The following PDE1C variants were observed in gnomAD, a reference collection of about 807,000 sequenced individuals.
PDE1C encodes the protein dual specificity calcium/calmodulin-dependent 3',5'-cyclic nucleotide phosphodiesterase 1C.
In PDE1C, 62 loss-of-function variants were observed where a neutral mutation model predicts 93.1. The ratio of observed to expected loss-of-function variants is 0.67; its 90% CI spans 0.54 to 0.82. PDE1C has a LOEUF of 0.82. PDE1C is among the 40% of genes least tolerant of loss of function. The pLI, the probability that PDE1C is intolerant of heterozygous loss-of-function variation, is 0.00. For synonymous variants in PDE1C, 325 were observed against 310.1 expected (o/e 1.05, Z -0.50); for missense variants, 742 against 884.6 (o/e 0.84, Z 2.04).
intron 1 of PDE1C, among the ~76,000 whole-genome samples, chr7:32,385,226 C>T (rs1012211673): frequency 6.6e-6 from 1 of 152,168 alleles, no homozygotes; most frequent in Non-Finnish European, 1.5e-5. Context: ...ATTTTTGAGG[C>T]TCCTCTGAAA....
At chr7:31,749,903 A>AC (rs1554318283), downstream of PDE1C, among the ~76,000 whole-genome samples, 1 of 151,576 alleles carries the variant, frequency 6.6e-6, no homozygotes, top group African/African-American at 2.4e-5. Flanking sequence ...ACACCCAGCT[A>AC]TTTTTTGTAT....
intron 2 of PDE1C, among the ~76,000 whole-genome samples, chr7:31,907,333 G>C (rs1341679037): frequency 1.3e-5 from 2 of 151,964 alleles, no homozygotes; most frequent in East Asian, 3.9e-4. Context: ...AGTCTATACA[G>C]AGATTATCAC....
intron 1 of PDE1C, among the ~76,000 whole-genome samples, chr7:32,425,602 T>A (rs1412251380): frequency 6.6e-6 from 1 of 152,200 alleles, no homozygotes; most frequent in East Asian, 1.9e-4. Flanking sequence ...AGAAATTGGT[T>A]TTCTGGCATT....
the PDE1C span, among the ~76,000 whole-genome samples, chr7:31,663,115 C>T: frequency 2.0e-5 from 3 of 152,172 alleles, no homozygotes; most frequent in Admixed American, 6.5e-5. Flanking sequence ...AGCTATTACC[C>T]GTCTGTGAAT....
intron 2 of PDE1C, among the ~76,000 whole-genome samples, chr7:31,885,732 C>G (rs182695127): frequency 9.9e-5 from 15 of 152,188 alleles, no homozygotes; most frequent in Admixed American, 3.9e-4. Context: ...TTCCTAGGAC[C>G]AATGGAGTGA....
chr7:31,643,461 C>A, the PDE1C span: 2 of 1,613,902 alleles, frequency 1.2e-6, no homozygotes, highest in African/African-American at 2.7e-5. Context: ...AGATGGAAAA[C>A]CTTCCTCTAA....
chr7:31,816,955 T>A (rs560553038), intron 14 of PDE1C, among the ~76,000 whole-genome samples: 4 of 152,112 alleles, frequency 2.6e-5, no homozygotes, highest in South Asian at 4.1e-4. Context: ...AATGCGTAGG[T>A]TAAGTATTTA....
rs989526079 is a variant in PDE1C at position 32,371,695 on chromosome 7, T to C, written c.310+56127A>G. 3.3e-5 allele frequency among the ~76,000 whole-genome samples: 5 copies of C among 152,214 alleles called. No homozygotes were observed. The East Asian group carries it at 7.7e-4, about 23-fold the overall frequency. On this transcript the variant is annotated intron_variant, in intron 1 of 1. Coordinates refer to the PDE1C transcript ENST00000672256. ...AAACTTTGACAACTACAATGCATTG[T>C]TGAAAGACTTACATAAATGGAAAAA...
At chr7:32,324,419 G>C (rs1562674330) in intron 1 of PDE1C, among the ~76,000 whole-genome samples, 1 of 152,142 alleles carries the variant, frequency 6.6e-6, no homozygotes, top group African/African-American at 2.4e-5. Flanking sequence ...CTAGCAACAA[G>C]CTTTGTTTTC....
the PDE1C span, among the ~76,000 whole-genome samples, chr7:31,636,326 T>C: frequency 6.6e-6 from 1 of 152,228 alleles, no homozygotes; most frequent in East Asian, 1.9e-4. Context: ...TCTGTGCTAG[T>C]GTTCTAACGT....
chr7:31,895,014 C>T (rs924134226), intron 2 of PDE1C, among the ~76,000 whole-genome samples: 7 of 152,096 alleles, frequency 4.6e-5, no homozygotes, highest in Non-Finnish European at 8.8e-5. Flanking sequence ...CAAGGTGACT[C>T]CCAGGACACC....
intron 2 of PDE1C, among the ~76,000 whole-genome samples, chr7:32,170,242 A>G (rs549829517): frequency 1.5e-4 from 23 of 152,224 alleles, no homozygotes; most frequent in African/African-American, 5.3e-4. Context: ...ATCTATGTAG[A>G]TGTTTATTCA....
rs756161243 is a variant in PDE1C at position 31,775,619 on chromosome 7, A to G, written c.1960+45T>C. The G allele has an allele frequency of 2.6e-6, 4 of 1,531,102 alleles. No individual in the cohort carries two copies. In the African/African-American group the frequency reaches 5.5e-5, roughly 21 times the overall value. The allele number at this position is 1,531,102 out of a possible 1,614,324, so 94.8% of individuals were successfully genotyped here. On this transcript the variant is annotated intron_variant, in intron 17 of 17. Transcript: ENST00000396191. ...AATTCCCGAGAAACCAGGCCTTTCC[A>G]TTGTCTGTGGTCACTAAGATAATGG... is the stretch of plus-strand genomic sequence containing the variant.
At chr7:32,014,162 A>G (rs892910045) in intron 2 of PDE1C, among the ~76,000 whole-genome samples, 4 of 152,270 alleles carry the variant, frequency 2.6e-5, no homozygotes, top group Non-Finnish European at 5.9e-5. Context: ...AATGCACTGC[A>G]ATAATTGGTA....
the PDE1C span, among the ~76,000 whole-genome samples, chr7:31,638,313 A>T: frequency 2.0e-5 from 3 of 152,216 alleles, no homozygotes; most frequent in Non-Finnish European, 4.4e-5. Context: ...ATAAATATAT[A>T]GTGAGTATAC....
intron 1 of PDE1C, among the ~76,000 whole-genome samples, chr7:32,215,308 C>A (rs1806350982): frequency 6.6e-6 from 1 of 152,158 alleles, no homozygotes; most frequent in African/African-American, 2.4e-5. Context: ...AGAACAGTTT[C>A]ATCCTGAAAC....
the PDE1C span, chr7:31,707,534 C>T: frequency 4.5e-6 from 2 of 444,524 alleles, no homozygotes; most frequent in East Asian, 7.8e-5. Flanking sequence ...AACAGATCAT[C>T]CTAAATGAGG....
At chr7:31,894,718 C>T (rs911629004) in intron 2 of PDE1C, among the ~76,000 whole-genome samples, 3 of 152,164 alleles carry the variant, frequency 2.0e-5, no homozygotes, top group Non-Finnish European at 2.9e-5. Flanking sequence ...ACCCTAGTTC[C>T]GCCTAGTGCA....
chr7:31,642,874 A>C, the PDE1C span: 134 of 1,613,902 alleles, frequency 8.3e-5, no homozygotes, highest in Non-Finnish European at 1.1e-4. Context: ...AGTATCTGTG[A>C]TGGAGGAAGA....
Sources: gnomAD v4.1 joint callset for allele counts (sites outside exome capture counted in the v4.1 genomes callset) on GRCh38, gnomAD v4.1.1 for gene constraint, MANE v1.5 for transcripts, NCBI Gene and HGNC (gene_info 2026-07-23, HGNC 2026-07-21) for gene names.